Variants in PPP1R9A observed in about 807,000 individuals in gnomAD.
The protein encoded by PPP1R9A is protein phosphatase 1 regulatory subunit 9A.
A neutral mutation model predicts 141.9 loss-of-function variants in PPP1R9A; 59 were observed. The observed-to-expected ratio is 0.42, with a 90% CI of 0.34 to 0.52. PPP1R9A has a LOEUF of 0.52. Ranked by LOEUF, PPP1R9A falls within the 20% of genes least tolerant of loss-of-function variation. The pLI, the probability that PPP1R9A is intolerant of heterozygous loss-of-function variation, is 0.10. For missense variants in PPP1R9A, 1,444 were observed against 1,611.9 expected (o/e 0.90, Z 1.78); for synonymous variants, 500 against 569.7 (o/e 0.88, Z 1.74).
intron 5 of PPP1R9A, among the ~76,000 whole-genome samples, chr7:95,165,586 A>G (rs1256388077): frequency 6.6e-6 from 1 of 152,240 alleles, no homozygotes; most frequent in East Asian, 1.9e-4. Flanking sequence ...CACAGAAACT[A>G]TGGAAGATAG....
chr7:95,192,705 T>C (rs2152836502), intron 5 of PPP1R9A, among the ~76,000 whole-genome samples: 1 of 152,182 alleles, frequency 6.6e-6, no homozygotes, highest in Non-Finnish European at 1.5e-5. Context: ...GTATTTATAG[T>C]TTGGTGGATT....
intron 2 of PPP1R9A, among the ~76,000 whole-genome samples, chr7:95,026,646 A>G (rs1806883740): frequency 6.6e-6 from 1 of 152,170 alleles, no homozygotes; most frequent in Non-Finnish European, 1.5e-5. Flanking sequence ...CAGAGCTGGC[A>G]GGCAGGGACG....
At chr7:95,123,563 C>T (rs1472608638) in intron 4 of PPP1R9A, among the ~76,000 whole-genome samples, 3 of 152,104 alleles carry the variant, frequency 2.0e-5, no homozygotes, top group African/African-American at 4.8e-5. Context: ...GCGGGAGAAT[C>T]GCTTGAACCT....
At chr7:94,999,965 C>G (rs1479656405) in intron 2 of PPP1R9A, among the ~76,000 whole-genome samples, 1 of 151,892 alleles carries the variant, frequency 6.6e-6, no homozygotes, top group East Asian at 1.9e-4. Flanking sequence ...CCACGCCAGG[C>G]TAATTTTTTG....
chr7:95,098,830 C>T (rs1206760133), intron 2 of PPP1R9A, among the ~76,000 whole-genome samples: 1 of 152,208 alleles, frequency 6.6e-6, no homozygotes, highest in Admixed American at 6.5e-5. Context: ...TTACCCCACT[C>T]TCCCTTCCAT....
intron 2 of PPP1R9A, among the ~76,000 whole-genome samples, chr7:94,938,258 C>T (rs1794974923): frequency 6.6e-6 from 1 of 152,054 alleles, no homozygotes; most frequent in Non-Finnish European, 1.5e-5. Context: ...GTTGCAGGTT[C>T]CTTATGAGAC....
chr7:95,251,780 A>C lies in PPP1R9A; in HGVS notation c.2415A>C (p.Lys805Asn). 6.2e-7 allele frequency: 1 copy of C among 1,613,666 alleles called. No individual in the cohort carries two copies. The highest frequency in any genetic ancestry group is 8.5e-7 in the Non-Finnish European group (1 of 1,179,758). The change falls in exon 11 of 20, where the codon AAA (lysine) becomes AAC (asparagine). Residue 805 changes from lysine (K) to asparagine (N), a missense_variant. By Grantham distance (94) the Lys-to-Asn change is moderately conservative (BLOSUM62 0). Around this residue, in one of 5 missense-constraint regions of PPP1R9A, gnomAD observed 488 missense variants for 542.0 expected, o/e 0.90. Transcript: ENST00000433360. ...TCTTAAGAGAGCTTGATTTCATCAAAAGACAGGAAGCAGAAAGAAAGAAAA... is the reference window on the plus strand; with the variant it reads ...TCTTAAGAGAGCTTGATTTCATCAACAGACAGGAAGCAGAAAGAAAGAAAA... ...DFQQKELDFI[K>N]RQEAERKKIE... is the part of the protein sequence containing the mutation.
chr7:95,286,065 G>T (rs1805259738), intron 17 of PPP1R9A, 141 bp from the exon 18 acceptor site: 2 of 1,356,572 alleles, frequency 1.5e-6, no homozygotes, highest in Non-Finnish European at 2.0e-6. Context: ...CTCAACCGCT[G>T]CCCCATTGAA....
chr7:95,226,214 A>T, intron 8 of PPP1R9A, 98 bp downstream of exon 8: 2 of 1,251,838 alleles, frequency 1.6e-6, no homozygotes, highest in Non-Finnish European at 2.1e-6. Flanking sequence ...CAGTTTGCAA[A>T]TCAAAGCTTT....
chr7:95,196,776 G>A (rs1317043639), intron 5 of PPP1R9A, among the ~76,000 whole-genome samples: 1 of 152,190 alleles, frequency 6.6e-6, no homozygotes, highest in South Asian at 2.1e-4. Context: ...TTACTGGAAA[G>A]GATTATAAGG....
intron 8 of PPP1R9A, among the ~76,000 whole-genome samples, chr7:95,229,951 C>T (rs1202738190): frequency 6.6e-6 from 1 of 152,110 alleles, no homozygotes; most frequent in African/African-American, 2.4e-5. Context: ...GTGCTGGTAT[C>T]CATGGCTACA....
At chr7:95,210,411 G>T (rs1187449348) in intron 7 of PPP1R9A, among the ~76,000 whole-genome samples, 1 of 151,920 alleles carries the variant, frequency 6.6e-6, no homozygotes, top group South Asian at 2.1e-4. Context: ...TATTTTTGTT[G>T]TTTTTGTTTA....
chr7:95,077,766 T>A (rs1432534904), intron 2 of PPP1R9A, among the ~76,000 whole-genome samples: 1 of 152,114 alleles, frequency 6.6e-6, no homozygotes, highest in Non-Finnish European at 1.5e-5. Context: ...AGAAAGGTTG[T>A]GTGTGAGGCC....
intron 2 of PPP1R9A, among the ~76,000 whole-genome samples, chr7:95,001,419 A>G (rs1173927543): frequency 1.3e-5 from 2 of 152,176 alleles, no homozygotes; most frequent in African/African-American, 2.4e-5. Flanking sequence ...ACAATTATAT[A>G]TAAAGGCAAA....
intron 5 of PPP1R9A, among the ~76,000 whole-genome samples, chr7:95,176,854 A>G (rs1832982089): frequency 6.6e-6 from 1 of 152,140 alleles, no homozygotes; most frequent in Non-Finnish European, 1.5e-5. Context: ...AAAGCCTCCA[A>G]GAAGTCTGGG....
intron 5 of PPP1R9A, among the ~76,000 whole-genome samples, chr7:95,164,741 C>CT (rs200177321): frequency 0.044 from 2,938 of 66,130 alleles, 144 homozygotes; most frequent in African/African-American, 0.11. Context: ...CTTTTCTTTT[C>CT]TTTTTTTTTT....
Position 95,250,100 on chromosome 7 carries a change from T to A in PPP1R9A, c.2241T>A (p.Asn747Lys). ...AACTCCAACAAAACATAGAAGAGAA[T>A]AAGGAAAGAATGTTGAAGTTGGAAA... ...KTQLQQNIEE[N>K]KERMLKLESY... The change falls in exon 10 of 20, where the codon AAT becomes AAA. Residue 747 changes from asparagine to lysine, a missense_variant. This residue lies in a region of PPP1R9A where 488 missense variants were observed against 542.0 expected (regional missense o/e 0.90). Coordinates refer to ENST00000433360, the MANE Select transcript of PPP1R9A (RefSeq NM_001166160.2). The A allele has an allele frequency of 6.2e-7, 1 of 1,613,600 alleles. No homozygotes were observed. The highest frequency in any genetic ancestry group is 8.5e-7 in the Non-Finnish European group (1 of 1,179,848).
chr7:95,088,556 C>T (rs1368167124), intron 2 of PPP1R9A, among the ~76,000 whole-genome samples: 3 of 151,838 alleles, frequency 2.0e-5, no homozygotes, highest in South Asian at 2.1e-4. Context: ...GTTGGAAGTT[C>T]GAGAAGCCTA....
At chr7:95,029,549 G>A (rs550137342) in intron 2 of PPP1R9A, among the ~76,000 whole-genome samples, 1 of 152,306 alleles carries the variant, frequency 6.6e-6, no homozygotes, top group South Asian at 2.1e-4. Context: ...AGGGAGCCCA[G>A]AAGGTCTGTT....
Sources: gnomAD v4.1 joint callset for allele counts (sites outside exome capture counted in the v4.1 genomes callset) on GRCh38, gnomAD v4.1.1 for gene constraint, gnomAD v4.1.1 regional missense constraint, MANE v1.5 for transcripts, NCBI Gene and HGNC (gene_info 2026-07-23, HGNC 2026-07-21) for gene names.